The following RBFOX2 variants were observed in gnomAD, a reference collection of about 807,000 sequenced individuals.
RBFOX2 encodes the protein RNA binding fox-1 homolog 2, also known as RNA binding protein fox-1 homolog 2.
A neutral mutation model predicts 49.1 loss-of-function variants in RBFOX2; 10 were observed. The ratio of observed to expected loss-of-function variants is 0.20; its 90% CI spans 0.13 to 0.35. RBFOX2 has a LOEUF of 0.35. Ranked by LOEUF, RBFOX2 falls within the 10% of genes least tolerant of loss-of-function variation. The pLI is 1.00. For synonymous variants in RBFOX2, 183 were observed against 187.4 expected (o/e 0.98, Z 0.19); for missense variants, 323 against 486.9 (o/e 0.66, Z 3.17).
At chr22:35,782,352 C>T (rs1945330847) in intron 2 of RBFOX2, among the ~76,000 whole-genome samples, 1 of 152,116 alleles carries the variant, frequency 6.6e-6, no homozygotes, top group Non-Finnish European at 1.5e-5. Flanking sequence ...GACAGAGTCT[C>T]GCTCTGTCGC....
At chr22:35,923,058 C>T (rs1177603208) in intron 1 of RBFOX2, among the ~76,000 whole-genome samples, 1 of 152,228 alleles carries the variant, frequency 6.6e-6, no homozygotes, top group Admixed American at 6.5e-5. Flanking sequence ...TCAGCCTACA[C>T]TGCCTAACAC....
intron 1 of RBFOX2, among the ~76,000 whole-genome samples, chr22:35,873,815 T>TACGG (rs1404339737): frequency 3.3e-5 from 5 of 152,170 alleles, no homozygotes; most frequent in Admixed American, 1.3e-4. Context: ...TAGCTGGGAT[T>TACGG]ACGGACAGGT....
At chr22:35,984,315 G>C (rs1248092324) in intron 1 of RBFOX2, among the ~76,000 whole-genome samples, 1 of 152,138 alleles carries the variant, frequency 6.6e-6, no homozygotes, top group African/African-American at 2.4e-5. Context: ...ACGCACAGTT[G>C]GCTAATATTG....
chr22:35,978,538 A>G (rs2057306720), intron 1 of RBFOX2, among the ~76,000 whole-genome samples: 1 of 152,192 alleles, frequency 6.6e-6, no homozygotes, highest in African/African-American at 2.4e-5. Flanking sequence ...GGCTGATTCC[A>G]AGGCTTTGGT....
In RBFOX2 at chr22:35,746,007, A is replaced by G. The variant is rs750450221; in HGVS notation, c.977-12T>C. ...ACACCCTGCCATAACTGGAAAGAAG[A>G]AACACAATCAGACAGATAAAGAAAA... On this transcript the variant is annotated splice_polypyrimidine_tract_variant and intron_variant, in intron 10 of 11. Transcript: ENST00000405409. 13 of 1,605,876 alleles carry G rather than the reference A, an allele frequency of 8.1e-6. No individual in the cohort carries two copies. The highest frequency in any genetic ancestry group is 5.0e-5 in the Admixed American group (3 of 59,906).
chr22:35,818,520 A>G (rs939790966), intron 1 of RBFOX2, among the ~76,000 whole-genome samples: 7 of 152,300 alleles, frequency 4.6e-5, no homozygotes, highest in Middle Eastern at 3.4e-3. Context: ...GGCATTGCTC[A>G]CACCTGTAAT....
At chr22:35,797,669 C>T (rs541177626) in intron 2 of RBFOX2, among the ~76,000 whole-genome samples, 1 of 152,306 alleles carries the variant, frequency 6.6e-6, no homozygotes, top group African/African-American at 2.4e-5. Flanking sequence ...TGCTTCTGTA[C>T]TGACCGTCAA....
At position 35,757,095 on chromosome 22, in the gene RBFOX2, T is replaced by C. The variant is rs923325478; in HGVS notation, c.887+2793A>G. ...AAAATACAATTGATAACTGAAGTTC[T>C]GGGCTTGACCAAAGATCACCCTGTC... On this transcript the variant is annotated intron_variant, in intron 9 of 11. Coordinates refer to ENST00000405409, the Ensembl canonical transcript of RBFOX2. Among the ~76,000 whole-genome samples, 5 of 152,252 alleles carry C rather than the reference T, an allele frequency of 3.3e-5. No homozygotes were observed. In the South Asian group the frequency reaches 1.0e-3, roughly 32 times the overall value.
chr22:35,900,660 C>A, intron 1 of RBFOX2, among the ~76,000 whole-genome samples: 1 of 151,014 alleles, frequency 6.6e-6, no homozygotes, highest in Non-Finnish European at 1.5e-5. Flanking sequence ...CTTAAAATAG[C>A]AGGGATTCCC....
chr22:35,972,434 CAAA>C (rs386395333), intron 1 of RBFOX2, among the ~76,000 whole-genome samples: 2 of 139,486 alleles, frequency 1.4e-5, no homozygotes, highest in South Asian at 2.3e-4. Context: ...AATGCTTCCT[CAAA>C]AAAAAAAAAA....
intron 1 of RBFOX2, among the ~76,000 whole-genome samples, chr22:35,944,800 C>A (rs5756007): frequency 6.6e-6 from 1 of 151,902 alleles, no homozygotes; most frequent in Non-Finnish European, 1.5e-5. Context: ...ATCTGGCCAG[C>A]CGCGGCGGCT....
chr22:35,878,020 ATAC>A (rs201095008), intron 1 of RBFOX2, among the ~76,000 whole-genome samples: 46 of 148,876 alleles, frequency 3.1e-4, no homozygotes, highest in South Asian at 8.5e-4. Context: ...ATACATATAC[ATAC>A]TACTACTACT....
At chr22:35,798,452 T>C (rs993883872) in intron 2 of RBFOX2, among the ~76,000 whole-genome samples, 1 of 152,264 alleles carries the variant, frequency 6.6e-6, no homozygotes, top group African/African-American at 2.4e-5. Context: ...ATAACCTGTA[T>C]TTAAATCCTC....
intron 1 of RBFOX2, among the ~76,000 whole-genome samples, chr22:35,902,269 G>T (rs527732060): frequency 3.4e-4 from 51 of 152,054 alleles, no homozygotes; most frequent in African/African-American, 1.1e-3. Context: ...CTCCGGTTCT[G>T]CACCCTCTTT....
At chr22:35,781,729 T>TGCTCCACCTTCTGTCTGC in exon 3 of RBFOX2, 1 of 1,614,142 alleles carries the variant, frequency 6.2e-7, no homozygotes, top group South Asian at 1.1e-5. Context: ...CGTCTGTCTG[T>TGCTCCACCTTCTGTCTGC]GCTCCACCTT....
intron 1 of RBFOX2, among the ~76,000 whole-genome samples, chr22:35,907,545 T>C (rs910882274): frequency 6.6e-6 from 1 of 152,124 alleles, no homozygotes; most frequent in African/African-American, 2.4e-5. Context: ...TGAATCTCTC[T>C]CTTGTTAAGA....
intron 1 of RBFOX2, among the ~76,000 whole-genome samples, chr22:35,846,690 C>T (rs2148923155): frequency 6.6e-6 from 1 of 151,994 alleles, no homozygotes; most frequent in East Asian, 1.9e-4. Flanking sequence ...GGGAGGCAGA[C>T]GTTGCAGTGA....
rs1428935543 is a variant in RBFOX2, at chr22:36,011,094, C to T, written c.186+17146G>A. The stretch of plus-strand genomic sequence containing the variant: ...ATACAAGATGTCATCATGAATAAAA[C>T]TCACACTGCAGTTAGATTCCATGTG... On this transcript the variant is annotated intron_variant, in intron 1 of 13. Coordinates refer to the RBFOX2 transcript ENST00000438146. Among the ~76,000 whole-genome samples the T allele has an allele frequency of 2.6e-5, 4 of 152,184 alleles. No homozygotes were observed. The East Asian group carries it at 5.8e-4, about 22-fold the overall frequency.
intron 4 of RBFOX2, chr22:35,777,683 CTTTA>C: frequency 4.4e-6 from 1 of 226,568 alleles, no homozygotes; most frequent in Admixed American, 5.2e-5. Flanking sequence ...TAGAATTTCA[CTTTA>C]TTTAGTCTTT....
Sources: allele counts gnomAD v4.1 joint callset (sites outside exome capture counted in the v4.1 genomes callset), GRCh38; gene constraint gnomAD v4.1.1; transcripts MANE v1.5; gene names NCBI Gene and HGNC (gene_info 2026-07-23, HGNC 2026-07-21).